The following HAUS1 variants were observed in gnomAD, a reference collection of about 807,000 sequenced individuals.
HAUS1 encodes HAUS augmin-like complex subunit 1.
Under a neutral mutation model 38.6 loss-of-function variants are expected in HAUS1, and 25 were observed. That is an observed-to-expected ratio of 0.65 (90% CI 0.47 to 0.91). The LOEUF (loss-of-function observed/expected upper bound fraction) is 0.91, where lower values mean the gene tolerates loss of function less well. Among genes scored for constraint, HAUS1 ranks in the 40% least tolerant of loss-of-function variants. The pLI, the probability that HAUS1 is intolerant of heterozygous loss-of-function variation, is 0.00. For missense variants in HAUS1, 325 were observed against 328.4 expected (o/e 0.99, Z 0.08); for synonymous variants, 109 against 112.9 (o/e 0.97, Z 0.22).
intron 8 of HAUS1, chr18:46,126,728 A>G (rs7244632): frequency 0.59 from 89,389 of 151,450 alleles, 26,965 homozygotes; most frequent in African/African-American, 0.71. Flanking sequence ...AGGTTCAAGC[A>G]ATTCTCATGC....
At chr18:46,122,336 G>A (rs868334396) in intron 4 of HAUS1, 131 bp from the exon 5 acceptor site, 3 of 805,714 alleles carry the variant, frequency 3.7e-6, no homozygotes, top group African/African-American at 1.7e-5. Flanking sequence ...GTGCAACATG[G>A]AGGGGAAGAT....
chr18:46,121,898 G>A (rs749984426), intron 4 of HAUS1, among the ~76,000 whole-genome samples: 4 of 152,062 alleles, frequency 2.6e-5, no homozygotes, highest in Non-Finnish European at 4.4e-5. Context: ...CTGGAGTGCA[G>A]TGGTACAATC....
intron 6 of HAUS1, among the ~76,000 whole-genome samples, chr18:46,123,766 G>GT (rs368714117): frequency 2.3e-3 from 355 of 152,260 alleles, no homozygotes; most frequent in African/African-American, 8.0e-3. Context: ...GGTTTTACCT[G>GT]TTTTGGTGGG....
At chr18:46,123,593 G>T (rs902417402) in intron 6 of HAUS1, among the ~76,000 whole-genome samples, 18 of 152,136 alleles carry the variant, frequency 1.2e-4, no homozygotes, top group African/African-American at 4.3e-4. Flanking sequence ...CTCCGCTGGA[G>T]TCACTTATGT....
chr18:46,112,078 G>A (rs1911648889), intron 2 of HAUS1, among the ~76,000 whole-genome samples: 1 of 149,352 alleles, frequency 6.7e-6, no homozygotes, highest in South Asian at 2.1e-4. Flanking sequence ...GTAGAGATGG[G>A]GTTTCACCAT....
chr18:46,122,364 T>C (rs1370628217), intron 4 of HAUS1, 103 bp from the exon 5 acceptor site: 7 of 1,224,814 alleles, frequency 5.7e-6, no homozygotes, highest in Non-Finnish European at 8.2e-6. Context: ...TTACCAACTC[T>C]TGGCCAAGCC....
intron 2 of HAUS1, among the ~76,000 whole-genome samples, chr18:46,110,444 A>C (rs928418714): frequency 7.1e-6 from 1 of 140,994 alleles, no homozygotes; most frequent in Non-Finnish European, 1.5e-5. Flanking sequence ...TCCTGGGTTC[A>C]AGTGATTCTT....
At chr18:46,124,416 CAAA>C (rs34364685) in intron 6 of HAUS1, among the ~76,000 whole-genome samples, 1 of 87,596 alleles carries the variant, frequency 1.1e-5, no homozygotes, top group Non-Finnish European at 2.3e-5. Context: ...GACTCTATCT[CAAA>C]AAAAAAAAAA....
Position 46,128,070 on chromosome 18 carries a change from T to C in HAUS1, c.787-5T>C. On this transcript the variant is annotated splice_polypyrimidine_tract_variant and splice_region_variant and intron_variant, in intron 8 of 8. Coordinates refer to ENST00000282058, the MANE Select transcript of HAUS1 (RefSeq NM_138443.4). ...CTTATCTATGGTATGTCTTTCTTCC[T>C]GTAGGATAGCATTGAAGCTGAACTT... 1.3e-6 allele frequency: 2 copies of C among 1,562,328 alleles called. No homozygotes were observed. Among genetic ancestry groups the C allele is most frequent in the Non-Finnish European group, 1.7e-6 (2 of 1,152,488 alleles).
At chr18:46,114,231 T>C (rs1345825801) in intron 2 of HAUS1, among the ~76,000 whole-genome samples, 1 of 152,228 alleles carries the variant, frequency 6.6e-6, no homozygotes, top group Non-Finnish European at 1.5e-5. Flanking sequence ...GACCACAACT[T>C]CTACTCTTTT....
At chr18:46,117,936 A>T (rs1911838425) in intron 2 of HAUS1, among the ~76,000 whole-genome samples, 1 of 152,072 alleles carries the variant, frequency 6.6e-6, no homozygotes, top group East Asian at 1.9e-4. Flanking sequence ...ACAGAGCGAG[A>T]CTCCATTTCA....
chr18:46,107,135 C>G (rs1167251055), intron 2 of HAUS1, among the ~76,000 whole-genome samples: 1 of 152,076 alleles, frequency 6.6e-6, no homozygotes, highest in Non-Finnish European at 1.5e-5. Flanking sequence ...AATCTGAAAT[C>G]ACACAATCAA....
chr18:46,123,333 T>C lies in HAUS1; in HGVS notation c.635T>C (p.Leu212Pro). 1.2e-6 allele frequency: 2 copies of C among 1,612,784 alleles called. No homozygotes were observed. The highest frequency in any genetic ancestry group is 1.7e-6 in the Non-Finnish European group (2 of 1,179,118). The change falls in exon 6 of 9, where the codon CTG becomes CCG. Residue 212 changes from leucine (L) to proline (P), a missense_variant. Leu to Pro is a moderately conservative substitution (Grantham distance 98). Transcript: ENST00000282058. ...TCAGCCAGAGGCATGGATGCTTCTC[T>C]GTCTCATCAGTCCTTAGTAGCACTA... ...QLSARGMDAS[L>P]SHQSLVALSE...
In HAUS1 at chr18:46,124,873, T is replaced by A. The variant is rs138531260; in HGVS notation, c.718T>A (p.Ser240Thr). The A allele has an allele frequency of 6.3e-7, 1 of 1,594,790 alleles. No homozygotes were observed. The highest frequency in any genetic ancestry group is 8.6e-7 in the Non-Finnish European group (1 of 1,164,328). Residue 240 changes from serine (S) to threonine (T), a missense_variant, in exon 7 of 9, where the codon TCC (serine) becomes ACC (threonine). Transcript: ENST00000282058. ...TATACCTTTGAAGAAAAAATTGGAG[T>A]CCTATTTAGACTTAATGCCGGTAAT... ...QTIPLKKKLE[S>T]YLDLMPNPSL...
intron 8 of HAUS1, chr18:46,126,587 G>A (rs1221404750): frequency 6.6e-6 from 1 of 151,040 alleles, no homozygotes; most frequent in Non-Finnish European, 1.5e-5. Flanking sequence ...GTGTTTCCTT[G>A]TTTTTTAAGC....
chr18:46,117,499 G>T (rs917230471), intron 2 of HAUS1, among the ~76,000 whole-genome samples: 1 of 152,136 alleles, frequency 6.6e-6, no homozygotes, highest in African/African-American at 2.4e-5. Flanking sequence ...ACAGGGAGTG[G>T]TTGCTAGGGT....
chr18:46,113,148 C>G lies in HAUS1; in HGVS notation c.206-5033C>G, dbSNP rs537958850. Among the ~76,000 whole-genome samples the G allele has an allele frequency of 5.8e-4, 86 of 147,068 alleles. 1 individual carries two copies. The highest frequency in any genetic ancestry group is 2.1e-3 in the African/African-American group (82 of 39,754). Reference sequence around the variant, plus strand: ...GGCTGGAGCAGTGGCGGAATCTCAGCTCGCTGCAGCCTTCACCTTCTGGGT... The same window carrying G: ...GGCTGGAGCAGTGGCGGAATCTCAGGTCGCTGCAGCCTTCACCTTCTGGGT... On this transcript the variant is annotated intron_variant, in intron 2 of 8. Coordinates refer to ENST00000282058, the MANE Select transcript of HAUS1 (RefSeq NM_138443.4).
intron 3 of HAUS1, among the ~76,000 whole-genome samples, chr18:46,119,502 T>C (rs933881083): frequency 6.6e-6 from 1 of 152,164 alleles, no homozygotes; most frequent in African/African-American, 2.4e-5. Flanking sequence ...AGTCACATTA[T>C]GTTTTGTGCC....
At position 46,120,014 on chromosome 18, in the gene HAUS1, G is replaced by C; in HGVS notation, c.430G>C (p.Glu144Gln). The C allele has an allele frequency of 6.2e-7, 1 of 1,608,048 alleles. No homozygotes were observed. The highest frequency in any genetic ancestry group is 8.5e-7 in the Non-Finnish European group (1 of 1,176,814). Residue 144 changes from glutamate to glutamine, a missense_variant, in exon 4 of 9, where the codon GAA (glutamate) becomes CAA (glutamine). Coordinates refer to ENST00000282058, the MANE Select transcript of HAUS1 (RefSeq NM_138443.4). ...AATCAAGATTGAACTGGAAAAACTT[G>C]AAAAAAATTTAACTGCAACTTTAGT... ...EEIKIELEKL[E>Q]KNLTATLVLE... is the part of the protein sequence containing the mutation.
Sources: gnomAD v4.1 joint callset for allele counts (sites outside exome capture counted in the v4.1 genomes callset) on GRCh38, gnomAD v4.1.1 for gene constraint, MANE v1.5 for transcripts, NCBI Gene and HGNC (gene_info 2026-07-23, HGNC 2026-07-21) for gene names.